Variants in SLIT3 observed in about 807,000 individuals in gnomAD.
The protein encoded by SLIT3 is slit guidance ligand 3.
Under a neutral mutation model 184.0 loss-of-function variants are expected in SLIT3, and 68 were observed. The observed-to-expected ratio is 0.37, with a 90% CI of 0.30 to 0.45. SLIT3 has a LOEUF of 0.45. SLIT3 is among the 20% of genes least tolerant of loss of function. SLIT3 has a pLI of 1.00. For missense variants in SLIT3, 1,707 were observed against 2,026.0 expected, an observed-to-expected ratio of 0.84 and a Z score of 3.02; for synonymous variants, 831 against 828.6, an observed-to-expected ratio of 1.00 and a Z score of -0.05.
At chr5:168,704,448 G>A (rs1297535680) in intron 26 of SLIT3, among the ~76,000 whole-genome samples, 1 of 152,200 alleles carries the variant, frequency 6.6e-6, no homozygotes, top group Non-Finnish European at 1.5e-5. Flanking sequence ...GGCTTAGGGA[G>A]AATCTGACTT....
At chr5:168,903,436 T>C (rs1304083681) in intron 4 of SLIT3, among the ~76,000 whole-genome samples, 2 of 152,086 alleles carry the variant, frequency 1.3e-5, no homozygotes, top group Non-Finnish European at 2.9e-5. Flanking sequence ...CACCTGTGTT[T>C]CATTTGAGGT....
At chr5:169,020,076 G>T (rs186136921) in intron 4 of SLIT3, among the ~76,000 whole-genome samples, 1 of 152,082 alleles carries the variant, frequency 6.6e-6, no homozygotes, top group Admixed American at 6.5e-5. Context: ...TTTACATATC[G>T]TCTGTGGTTA....
At chr5:169,033,027 C>G (rs910787156) in intron 4 of SLIT3, among the ~76,000 whole-genome samples, 7 of 147,360 alleles carry the variant, frequency 4.8e-5, no homozygotes, top group African/African-American at 1.8e-4. Flanking sequence ...CATAGTCTTC[C>G]GGTTGTACAT....
At chr5:169,029,952 C>A (rs1038664119) in intron 4 of SLIT3, among the ~76,000 whole-genome samples, 1 of 152,312 alleles carries the variant, frequency 6.6e-6, no homozygotes, top group African/African-American at 2.4e-5. Flanking sequence ...CCTTTTAACA[C>A]ATTCTCCCCA....
chr5:169,227,715 C>A (rs761054627), intron 3 of SLIT3, among the ~76,000 whole-genome samples: 1 of 152,240 alleles, frequency 6.6e-6, no homozygotes, highest in South Asian at 2.1e-4. Context: ...CACGTGCCAC[C>A]GCGCCCAGAC....
chr5:168,858,005 C>T (rs764112888), intron 5 of SLIT3, among the ~76,000 whole-genome samples: 15 of 152,262 alleles, frequency 9.9e-5, no homozygotes, highest in Non-Finnish European at 2.1e-4. Context: ...TCTCCTCTTC[C>T]TGCTCAGCTC....
intron 35 of SLIT3, 113 bp from the exon 36 acceptor site, chr5:168,666,802 T>C (rs564243307): frequency 6.6e-7 from 1 of 1,524,760 alleles, no homozygotes; most frequent in African/African-American, 1.4e-5. Context: ...TGTAAGAATT[T>C]ATTCACTCAT....
At chr5:168,842,471 T>TTTTTTTTTG (rs1314252694) in intron 6 of SLIT3, among the ~76,000 whole-genome samples, 2 of 121,210 alleles carry the variant, frequency 1.7e-5, no homozygotes, top group African/African-American at 3.3e-5. Flanking sequence ...GTTTTTTCGT[T>TTTTTTTTTG]TTTTTTTTTT....
chr5:169,015,331 G>C (rs970610720), intron 4 of SLIT3, among the ~76,000 whole-genome samples: 1 of 152,162 alleles, frequency 6.6e-6, no homozygotes, highest in Non-Finnish European at 1.5e-5. Context: ...CCCTGGATCT[G>C]GCAGGGAAGC....
At chr5:169,169,065 G>T (rs531410152) in intron 4 of SLIT3, among the ~76,000 whole-genome samples, 6 of 152,080 alleles carry the variant, frequency 3.9e-5, no homozygotes, top group Admixed American at 2.6e-4. Flanking sequence ...TTTCTAACTC[G>T]CACAGAGGTG....
chr5:169,184,468 G>A (rs2095573942), intron 4 of SLIT3, among the ~76,000 whole-genome samples: 1 of 152,148 alleles, frequency 6.6e-6, no homozygotes, highest in South Asian at 2.1e-4. Flanking sequence ...TCAACATAAG[G>A]TACCTAGCAC....
intron 1 of SLIT3, among the ~76,000 whole-genome samples, chr5:169,282,882 C>T (rs367797158): frequency 6.6e-6 from 1 of 152,178 alleles, no homozygotes. Context: ...TCAGAAACAC[C>T]TGCAAGGTTT....
At chr5:168,752,780 G>A in intron 18 of SLIT3, 175 bp downstream of exon 18, 1 of 614,908 alleles carries the variant, frequency 1.6e-6, no homozygotes, top group Non-Finnish European at 2.9e-6. Flanking sequence ...GGGGCCGGGT[G>A]TGTGCAGCCT....
intron 2 of SLIT3, among the ~76,000 whole-genome samples, chr5:169,250,980 C>T (rs1248426128): frequency 6.6e-6 from 1 of 152,174 alleles, no homozygotes; most frequent in Non-Finnish European, 1.5e-5. Context: ...TGCTCTCCTC[C>T]CCTCCTCTCC....
In SLIT3 at chr5:169,069,400, G is replaced by C. The variant is rs577997603; in HGVS notation, c.413+124079C>G. On this transcript the variant is annotated intron_variant, in intron 4 of 35. Transcript: ENST00000519560. ...CATGTCCCAGGAGATCACCGTCACAGTCCTTTTAGGGTCAGAGTTCAATCC... is the reference window on the plus strand; with the variant it reads ...CATGTCCCAGGAGATCACCGTCACACTCCTTTTAGGGTCAGAGTTCAATCC... 2.0e-5 allele frequency among the ~76,000 whole-genome samples: 3 copies of C among 152,322 alleles called. No individual in the cohort carries two copies. In the East Asian group the frequency reaches 5.8e-4, roughly 29 times the overall value.
At chr5:169,017,615 C>T (rs866549360) in intron 4 of SLIT3, among the ~76,000 whole-genome samples, 2 of 152,174 alleles carry the variant, frequency 1.3e-5, no homozygotes, top group African/African-American at 4.8e-5. Context: ...ACTGATGCTT[C>T]CCACAAGCCT....
At chr5:169,107,190 A>T (rs946893747) in intron 4 of SLIT3, among the ~76,000 whole-genome samples, 5 of 152,212 alleles carry the variant, frequency 3.3e-5, no homozygotes, top group Non-Finnish European at 7.3e-5. Flanking sequence ...AGCAGAAAAG[A>T]TGAGTGAGGC....
intron 1 of SLIT3, among the ~76,000 whole-genome samples, chr5:169,294,110 G>A (rs144105250): frequency 2.6e-5 from 4 of 152,280 alleles, no homozygotes; most frequent in African/African-American, 9.6e-5. Flanking sequence ...TTTCTTTTCA[G>A]CAGTCCTAAA....
chr5:169,132,079 T>A (rs999186236), intron 4 of SLIT3, among the ~76,000 whole-genome samples: 4 of 152,142 alleles, frequency 2.6e-5, no homozygotes, highest in African/African-American at 9.7e-5. Flanking sequence ...TCCTGTTTCT[T>A]TAAGCCACTA....
Sources: gnomAD v4.1 joint callset for allele counts (sites outside exome capture counted in the v4.1 genomes callset) on GRCh38, gnomAD v4.1.1 for gene constraint, MANE v1.5 for transcripts, NCBI Gene and HGNC (gene_info 2026-07-23, HGNC 2026-07-21) for gene names.